AOX1: variants seen among roughly 807,000 people sequenced by gnomAD.
The protein encoded by AOX1 is aldehyde oxidase.
In AOX1, 153 loss-of-function variants were observed where a neutral mutation model predicts 169.5. That is an observed-to-expected ratio of 0.90 (90% CI 0.79 to 1.03). The LOEUF is 1.03. Among genes scored for constraint, AOX1 ranks in the 50% least tolerant of loss-of-function variants. The pLI is 0.00. For missense variants in AOX1, 1,656 were observed against 1,663.9 expected (o/e 1.00, Z 0.08); for synonymous variants, 562 against 581.9 (o/e 0.97, Z 0.49).
At chr2:200,609,552 A>C in intron 12 of AOX1, 138 bp downstream of exon 12, 1 of 701,070 alleles carries the variant, frequency 1.4e-6, no homozygotes, top group Non-Finnish European at 2.4e-6. Context: ...TGGATACTGG[A>C]AATTTTGTGA....
At chr2:200,651,810 C>T (rs1259094288) in intron 26 of AOX1, among the ~76,000 whole-genome samples, 1 of 152,140 alleles carries the variant, frequency 6.6e-6, no homozygotes, top group Non-Finnish European at 1.5e-5. Context: ...TGCTTGGTTG[C>T]AGTTTCCACC....
intron 23 of AOX1, among the ~76,000 whole-genome samples, chr2:200,639,635 T>C (rs564671142): frequency 6.6e-6 from 1 of 152,264 alleles, no homozygotes; most frequent in South Asian, 2.1e-4. Flanking sequence ...ATAAGACATA[T>C]ATGAAGTCAT....
Position 200,621,175 on chromosome 2 carries a change from G to A in AOX1, c.1930G>A (p.Ala644Thr), listed in dbSNP as rs765025545. The change falls in exon 18 of 35, where the codon GCA (alanine) becomes ACA (threonine). Residue 644 changes from alanine (A) to threonine (T), a missense_variant. By Grantham distance (58) the Ala-to-Thr change is moderately conservative. Transcript: ENST00000374700. ...SMPGVVDIMT[A>T]EHLSDVNSFC... Reference sequence around the variant, plus strand: ...GCCCGGTGTGGTGGACATCATGACAGCAGAACATCTTAGTGACGTCAACTC... The same window carrying A: ...GCCCGGTGTGGTGGACATCATGACAACAGAACATCTTAGTGACGTCAACTC... 1.2e-6 allele frequency: 2 copies of A among 1,614,164 alleles called. No individual in the cohort carries two copies. Among genetic ancestry groups the A allele is most frequent in the Non-Finnish European group, 1.7e-6 (2 of 1,180,010 alleles).
chr2:200,609,797 C>A (rs1367642086), intron 12 of AOX1, among the ~76,000 whole-genome samples: 1 of 152,180 alleles, frequency 6.6e-6, no homozygotes, highest in Non-Finnish European at 1.5e-5. Context: ...GTGCTTTGAG[C>A]TCACACTTAA....
intron 2 of AOX1, among the ~76,000 whole-genome samples, chr2:200,593,905 T>A (rs929723916): frequency 3.9e-5 from 6 of 152,218 alleles, no homozygotes; most frequent in African/African-American, 1.4e-4. Context: ...ACTCCCTGAT[T>A]ATCCACAGTA....
intron 20 of AOX1, among the ~76,000 whole-genome samples, chr2:200,633,448 C>T (rs563827446): frequency 1.3e-5 from 2 of 152,152 alleles, no homozygotes; most frequent in South Asian, 4.1e-4. Context: ...TATTCTTGTA[C>T]ATTAATCATT....
rs77901579 is a variant in AOX1, at chr2:200,631,451, G to C, written c.2222-3340G>C. Reference sequence around the variant, plus strand: ...GATGATTTTCCCCACAACCTATCCTGCTGGGCATGGTACAGATAGACACAT... The same window carrying C: ...GATGATTTTCCCCACAACCTATCCTCCTGGGCATGGTACAGATAGACACAT... On this transcript the variant is annotated intron_variant, in intron 20 of 34. Coordinates refer to ENST00000374700, the MANE Select transcript of AOX1 (RefSeq NM_001159.4). 2.2e-3 allele frequency among the ~76,000 whole-genome samples: 336 copies of C among 152,316 alleles called. 2 individuals carry two copies. The highest frequency in any genetic ancestry group is 7.7e-3 in the African/African-American group (322 of 41,564).
chr2:200,617,989 C>T (rs1391724564), intron 16 of AOX1, among the ~76,000 whole-genome samples: 2 of 152,138 alleles, frequency 1.3e-5, no homozygotes, highest in African/African-American at 2.4e-5. Flanking sequence ...GAGGGGATTC[C>T]TTTGCCATGG....
At position 200,616,036 on chromosome 2, in the gene AOX1, A is replaced by G; in HGVS notation, c.1677A>G (p.Lys559=). The change falls in exon 16 of 35, where the codon AAA becomes AAG. Residue 559 remains lysine (K), a synonymous_variant. Coordinates refer to ENST00000374700, the MANE Select transcript of AOX1 (RefSeq NM_001159.4). ...GTGCTTTAGAAGATCTTCATTCCAA[A>G]CATCACTGCAGTACATTAAAGTACC... is the stretch of plus-strand genomic sequence containing the variant. ...YESALEDLHS[K]HHCSTLKYQN... is the part of the protein sequence containing the mutation. 6.2e-7 allele frequency: 1 copy of G among 1,613,622 alleles called. No homozygotes were observed. Among genetic ancestry groups the G allele is most frequent in the Non-Finnish European group, 8.5e-7 (1 of 1,179,578 alleles).
chr2:200,644,279 A>T (rs1052111472), intron 25 of AOX1, among the ~76,000 whole-genome samples: 2 of 152,198 alleles, frequency 1.3e-5, no homozygotes, highest in Non-Finnish European at 2.9e-5. Flanking sequence ...TTCTCATTAC[A>T]TGTGGCTAGC....
intron 20 of AOX1, 60 bp downstream of exon 20, chr2:200,627,509 C>T: frequency 8.2e-7 from 1 of 1,212,950 alleles, no homozygotes; most frequent in Non-Finnish European, 1.2e-6. Context: ...CAGTTTAAGG[C>T]TTCCTTTGTC....
rs1297077658 is a variant in AOX1, at chr2:200,651,041, A to G, written c.2915A>G (p.Asn972Ser). ...TPYKQEINAK[N>S]LIQCWRECMA... ...TACAAACAAGAGATCAATGCCAAGA[A>G]CCTAATCCAGTGTTGGAGAGAATGT... The change falls in exon 26 of 35, where the codon AAC becomes AGC. Residue 972 changes from asparagine to serine, a missense_variant. Physicochemically the swap from Asn to Ser is conservative, Grantham distance 46. Coordinates refer to ENST00000374700, the MANE Select transcript of AOX1 (RefSeq NM_001159.4). 6.2e-7 allele frequency: 1 copy of G among 1,614,140 alleles called. No individual in the cohort carries two copies. Among genetic ancestry groups the G allele is most frequent in the Non-Finnish European group, 8.5e-7 (1 of 1,180,054 alleles).
Position 200,656,933 on chromosome 2 carries a change from T to C in AOX1, c.3167T>C (p.Ile1056Thr), listed in dbSNP as rs746496301. 1.3e-6 allele frequency: 2 copies of C among 1,568,776 alleles called. No individual in the cohort carries two copies. Among genetic ancestry groups the C allele is most frequent in the African/African-American group, 1.4e-5 (1 of 73,232 alleles). Residue 1056 changes from isoleucine (I) to threonine (T), a missense_variant, in exon 27 of 35, where the codon ATT becomes ACT. By Grantham distance (89) the Ile-to-Thr change is moderately conservative. Coordinates refer to ENST00000374700, the MANE Select transcript of AOX1 (RefSeq NM_001159.4). ...GGGCAGGGGGTCCACACTAAAATGA[T>C]TCAGGTAAGAATGCAAATAACTCGA... Reference protein sequence around the residue: ...EMGQGVHTKMIQVVSRELRMP... With the variant: ...EMGQGVHTKMTQVVSRELRMP...
chr2:200,634,178 T>A, intron 20 of AOX1, among the ~76,000 whole-genome samples: 1 of 146,644 alleles, frequency 6.8e-6, no homozygotes, highest in African/African-American at 2.5e-5. Context: ...TTTTTTTTTT[T>A]TTTTTTTTTT....
chr2:200,604,794 A>G lies in AOX1; in HGVS notation c.768A>G (p.Lys256=). ...CCCTGAAGGAACTGCTGGAATTTAA[A>G]TTCAAGTATCCCCAGGCTCCTGTTA... is the stretch of plus-strand genomic sequence containing the variant. The part of the protein sequence containing the change: ...PVTLKELLEF[K]FKYPQAPVIM... The change falls in exon 9 of 35, where the codon AAA becomes AAG. Residue 256 remains lysine, a synonymous_variant. Transcript: ENST00000374700. The G allele has an allele frequency of 6.2e-7, 1 of 1,613,306 alleles. No individual in the cohort carries two copies. The highest frequency in any genetic ancestry group is 8.5e-7 in the Non-Finnish European group (1 of 1,179,580).
At chr2:200,657,335 G>A (rs1346310070) in intron 27 of AOX1, among the ~76,000 whole-genome samples, 1 of 150,810 alleles carries the variant, frequency 6.6e-6, no homozygotes, top group Non-Finnish European at 1.5e-5. Flanking sequence ...AGCCTCGGTG[G>A]CAGAGCAAGA....
chr2:200,667,674 A>T (rs1209701810), intron 32 of AOX1, among the ~76,000 whole-genome samples: 1 of 151,310 alleles, frequency 6.6e-6, no homozygotes, highest in Non-Finnish European at 1.5e-5. Flanking sequence ...GCCAGGGCAG[A>T]TGACTATGGG....
intron 15 of AOX1, 89 bp from the exon 16 acceptor site, chr2:200,615,881 TG>T: frequency 1.1e-6 from 1 of 910,004 alleles, no homozygotes; most frequent in African/African-American, 1.6e-5. Context: ...AGAGTAGAGA[TG>T]CTTGCTAAGA....
At chr2:200,627,774 G>A (rs2035037271) in intron 20 of AOX1, among the ~76,000 whole-genome samples, 1 of 152,058 alleles carries the variant, frequency 6.6e-6, no homozygotes. Flanking sequence ...AATCTTATAG[G>A]CTGGAAAATG....
Sources: allele counts gnomAD v4.1 joint callset (sites outside exome capture counted in the v4.1 genomes callset), GRCh38; gene constraint gnomAD v4.1.1; transcripts MANE v1.5; gene names NCBI Gene and HGNC (gene_info 2026-07-23, HGNC 2026-07-21).